Variants in EYS observed in about 807,000 individuals in gnomAD.
EYS encodes the protein protein eyes shut homolog.
In EYS, 250 loss-of-function variants were observed where a neutral mutation model predicts 282.1. The observed-to-expected ratio is 0.89, with a 90% CI of 0.80 to 0.98. EYS has a LOEUF of 0.98. Among genes scored for constraint, EYS ranks in the 50% least tolerant of loss-of-function variants. The probability of loss-of-function intolerance (pLI) is 0.00; values close to 1 mark genes in which losing one functional copy is unlikely to be tolerated. For missense variants in EYS, 4,016 were observed against 3,709.0 expected, an observed-to-expected ratio of 1.08 and a Z score of -2.15; for synonymous variants, 1,355 against 1,282.9, an observed-to-expected ratio of 1.06 and a Z score of -1.20.
intron 22 of EYS, among the ~76,000 whole-genome samples, chr6:64,718,896 A>G (rs1420441826): frequency 6.6e-6 from 1 of 152,244 alleles, no homozygotes; most frequent in African/African-American, 2.4e-5. Flanking sequence ...ATTTTGTGTT[A>G]CACGGAAAAG....
At chr6:65,435,627 T>G (rs904490097) in intron 5 of EYS, among the ~76,000 whole-genome samples, 6 of 152,110 alleles carry the variant, frequency 3.9e-5, no homozygotes, top group African/African-American at 1.4e-4. Flanking sequence ...GAATCTACAA[T>G]TATCTCTAAA....
At chr6:64,723,098 A>AAAAT (rs386407348) in intron 22 of EYS, among the ~76,000 whole-genome samples, 2 of 151,628 alleles carry the variant, frequency 1.3e-5, no homozygotes, top group Non-Finnish European at 2.9e-5. Flanking sequence ...AAAAAAAAAA[A>AAAAT]AGAAACTGGT....
Position 63,726,406 on chromosome 6 carries a change from T to C in EYS, c.8233+113A>G, listed in dbSNP as rs1768616683. ...ATACACTTGCAGTGACAATAGAACA[T>C]AAAAGCATCAAATGTTTACATATTT... On this transcript the variant is annotated intron_variant, in intron 42 of 42. Coordinates refer to ENST00000503581, the MANE Select transcript of EYS (RefSeq NM_001142800.2). 1.8e-5 allele frequency: 17 copies of C among 926,076 alleles called. 1 individual carries two copies. The South Asian group carries it at 3.2e-4, about 18-fold the overall frequency. The allele number at this position is 926,076 out of a possible 1,614,324, so 57.4% of individuals were successfully genotyped here.
intron 18 of EYS, 80 bp downstream of exon 18, chr6:64,902,033 C>A: frequency 1.1e-6 from 1 of 926,702 alleles, no homozygotes. Context: ...GCCTTAGTTA[C>A]ATAATGAGCA....
At chr6:64,695,033 T>G (rs937724447) in intron 22 of EYS, among the ~76,000 whole-genome samples, 3 of 152,038 alleles carry the variant, frequency 2.0e-5, no homozygotes, top group African/African-American at 7.2e-5. Context: ...CATCAGTAGT[T>G]GCTGTGCTCT....
chr6:65,498,364 G>A (rs1233482567), intron 2 of EYS, among the ~76,000 whole-genome samples: 1 of 152,054 alleles, frequency 6.6e-6, no homozygotes, highest in Non-Finnish European at 1.5e-5. Context: ...CAGCAGCTTA[G>A]TTGAAAAGGA....
intron 14 of EYS, among the ~76,000 whole-genome samples, chr6:64,983,238 C>T (rs533568410): frequency 1.3e-5 from 2 of 151,120 alleles, no homozygotes; most frequent in African/African-American, 4.8e-5. Flanking sequence ...ACTGCCTAGA[C>T]AGAATAATGT....
intron 26 of EYS, among the ~76,000 whole-genome samples, chr6:64,486,535 G>A (rs755014339): frequency 1.8e-4 from 27 of 151,338 alleles, no homozygotes; most frequent in African/African-American, 5.3e-4. Context: ...AAGTAGACAC[G>A]GGCACAATTA....
intron 11 of EYS, 81 bp downstream of exon 11, chr6:65,334,899 C>A: frequency 7.5e-7 from 1 of 1,325,524 alleles, no homozygotes; most frequent in Admixed American, 1.7e-5. Flanking sequence ...AACATTGTTA[C>A]CATGAAACAG....
rs1373951627 is a variant in EYS, at chr6:65,443,417, TATATGTACATATATGTACACATATAGCC to T, written c.863-38078_863-38051del. 1.0e-4 allele frequency among the ~76,000 whole-genome samples: 15 copies of T among 143,878 alleles called. 1 individual carries two copies. The highest frequency in any genetic ancestry group is 2.4e-4 in the African/African-American group (10 of 40,960). 94.4% of individuals were successfully genotyped at this position (143,878 alleles called of 152,430 possible). A position where few individuals can be genotyped will look rare whatever the true frequency, so the allele number is the denominator to read the frequency against. On this transcript the variant is annotated intron_variant, in intron 5 of 42. Transcript: ENST00000503581. The stretch of plus-strand genomic sequence containing the variant: ...ATACATGTATGTACACATATAGCCA[TATATGTACATATATGTACACATATAGCC>T]ATATGTACATATACGCCATACACAT...
chr6:64,802,722 AAGTTTACC>A (rs1346069994), intron 22 of EYS, among the ~76,000 whole-genome samples: 1 of 152,150 alleles, frequency 6.6e-6, no homozygotes, highest in Non-Finnish European at 1.5e-5. Flanking sequence ...TCTCAAGATG[AAGTTTACC>A]AGTGAGTTCC....
At chr6:65,255,078 C>A (rs2150253651) in intron 12 of EYS, among the ~76,000 whole-genome samples, 1 of 151,930 alleles carries the variant, frequency 6.6e-6, no homozygotes, top group Admixed American at 6.6e-5. Context: ...CAAAGCCATC[C>A]TGAGCAAAAA....
At chr6:63,875,384 T>C (rs923273345) in intron 35 of EYS, among the ~76,000 whole-genome samples, 3 of 152,230 alleles carry the variant, frequency 2.0e-5, no homozygotes, top group Admixed American at 1.3e-4. Flanking sequence ...CAGTATTTTA[T>C]TGAGGATTTT....
At chr6:64,798,705 A>G (rs1388985699) in intron 22 of EYS, among the ~76,000 whole-genome samples, 1 of 147,610 alleles carries the variant, frequency 6.8e-6, no homozygotes, top group Non-Finnish European at 1.5e-5. Context: ...AGTGGAGGAG[A>G]TCCTTAGTCT....
chr6:64,376,400 G>A (rs1429536465), intron 29 of EYS, among the ~76,000 whole-genome samples: 1 of 152,142 alleles, frequency 6.6e-6, no homozygotes, highest in African/African-American at 2.4e-5. Context: ...TAAATACCCA[G>A]GCAAATGAAG....
At chr6:64,926,632 A>AT (rs888114061) in intron 15 of EYS, among the ~76,000 whole-genome samples, 4 of 151,750 alleles carry the variant, frequency 2.6e-5, no homozygotes, top group Admixed American at 6.6e-5. Context: ...TGTTACCTGC[A>AT]TTTTTTTTCT....
intron 27 of EYS, among the ~76,000 whole-genome samples, chr6:64,437,303 A>G (rs1451862889): frequency 1.3e-5 from 2 of 151,676 alleles, no homozygotes; most frequent in Non-Finnish European, 3.0e-5. Flanking sequence ...AAATTAATTC[A>G]CAATAGGTTA....
At chr6:64,244,677 C>A (rs1766950123) in intron 30 of EYS, among the ~76,000 whole-genome samples, 1 of 152,058 alleles carries the variant, frequency 6.6e-6, no homozygotes, top group Admixed American at 6.6e-5. Context: ...TTTGCAACAC[C>A]TTTTTCAATT....
chr6:65,651,792 T>G (rs1029851134), intron 1 of EYS, among the ~76,000 whole-genome samples: 1 of 152,068 alleles, frequency 6.6e-6, no homozygotes, highest in Non-Finnish European at 1.5e-5. Flanking sequence ...ATTTCTGCTG[T>G]AGTTGTGTAA....
Sources: allele counts gnomAD v4.1 joint callset (sites outside exome capture counted in the v4.1 genomes callset), GRCh38; gene constraint gnomAD v4.1.1; transcripts MANE v1.5; gene names NCBI Gene and HGNC (gene_info 2026-07-23, HGNC 2026-07-21).